GRIK2: variants seen among roughly 807,000 people sequenced by gnomAD.
GRIK2 encodes glutamate ionotropic receptor kainate type subunit 2, also known as glutamate receptor ionotropic, kainate 2.
In GRIK2, 32 loss-of-function variants were observed where a neutral mutation model predicts 100.3. The observed-to-expected ratio is 0.32, with a 90% CI of 0.24 to 0.43. GRIK2 has a LOEUF of 0.43. Among genes scored for constraint, GRIK2 ranks in the 20% least tolerant of loss-of-function variants. The pLI is 1.00. For missense variants in GRIK2, 843 were observed against 1,114.9 expected (o/e 0.76, Z 3.47); for synonymous variants, 417 against 389.4 (o/e 1.07, Z -0.83).
At chr6:101,646,340 A>T (rs1261618962) in intron 4 of GRIK2, among the ~76,000 whole-genome samples, 1 of 151,992 alleles carries the variant, frequency 6.6e-6, no homozygotes, top group African/African-American at 2.4e-5. Flanking sequence ...AATGCTGTGC[A>T]TCTAGTTTAG....
At chr6:101,988,770 A>G (rs1441431660) in intron 14 of GRIK2, among the ~76,000 whole-genome samples, 2 of 151,904 alleles carry the variant, frequency 1.3e-5, no homozygotes, top group Non-Finnish European at 2.9e-5. Flanking sequence ...ACAAATTCAC[A>G]GTCTGGGTGT....
rs771232901 is a variant in GRIK2 at position 101,799,811 on chromosome 6, T to A, written c.1095+20T>A. The A allele has an allele frequency of 6.3e-7, 1 of 1,594,182 alleles. No individual in the cohort carries two copies. The highest frequency in any genetic ancestry group is 1.1e-5 in the South Asian group (1 of 90,472). On this transcript the variant is annotated intron_variant, in intron 8 of 16. Transcript: ENST00000369134. Reference sequence around the variant, plus strand: ...AAAGAGGTAAGTTAGGAGAAGAACATCTGCCTTGTCTCTTTTGTTGTCAAG... The same window carrying A: ...AAAGAGGTAAGTTAGGAGAAGAACAACTGCCTTGTCTCTTTTGTTGTCAAG...
At chr6:102,014,330 C>T (rs1458869446) in intron 14 of GRIK2, among the ~76,000 whole-genome samples, 1 of 151,706 alleles carries the variant, frequency 6.6e-6, no homozygotes, top group African/African-American at 2.4e-5. Context: ...TGGATCATCT[C>T]TCCTTCTTCT....
intron 2 of GRIK2, among the ~76,000 whole-genome samples, chr6:101,552,806 T>C (rs1313888953): frequency 6.6e-6 from 1 of 152,132 alleles, no homozygotes; most frequent in Non-Finnish European, 1.5e-5. Flanking sequence ...AATGAAAAAG[T>C]CTCTTCTGCC....
chr6:102,002,479 A>G (rs1316055539), intron 14 of GRIK2, among the ~76,000 whole-genome samples: 5 of 149,800 alleles, frequency 3.3e-5, no homozygotes, highest in Non-Finnish European at 7.4e-5. Context: ...GTGTGTATGT[A>G]TGGATATATG....
intron 2 of GRIK2, among the ~76,000 whole-genome samples, chr6:101,542,064 A>G (rs1776023621): frequency 6.6e-6 from 1 of 152,080 alleles, no homozygotes; most frequent in Admixed American, 6.6e-5. Context: ...ATGGACTGTA[A>G]AATACTGCCA....
At chr6:101,962,532 A>T (rs987380627) in intron 14 of GRIK2, among the ~76,000 whole-genome samples, 2 of 152,070 alleles carry the variant, frequency 1.3e-5, no homozygotes, top group African/African-American at 4.8e-5. Flanking sequence ...TTCCATAAAG[A>T]CTTCTTAGTT....
intron 2 of GRIK2, among the ~76,000 whole-genome samples, chr6:101,564,074 C>T (rs762969499): frequency 1.9e-4 from 29 of 152,088 alleles, no homozygotes; most frequent in Non-Finnish European, 3.8e-4. Flanking sequence ...ATACAACACA[C>T]CTATTTTTTT....
intron 7 of GRIK2, among the ~76,000 whole-genome samples, chr6:101,738,285 C>CAATTGT (rs762319656): frequency 7.7e-6 from 1 of 129,162 alleles, no homozygotes; most frequent in Admixed American, 7.9e-5. Flanking sequence ...TTGTAATTGT[C>CAATTGT]AATTGTAATT....
intron 7 of GRIK2, among the ~76,000 whole-genome samples, chr6:101,705,601 G>A (rs1773216429): frequency 1.3e-5 from 2 of 151,714 alleles, no homozygotes; most frequent in Admixed American, 1.3e-4. Flanking sequence ...ACATGTGGTG[G>A]AATTTTTCCT....
intron 2 of GRIK2, among the ~76,000 whole-genome samples, chr6:101,603,974 G>A (rs1226392393): frequency 6.6e-6 from 1 of 151,110 alleles, no homozygotes; most frequent in African/African-American, 2.4e-5. Context: ...TGGTGAGGGG[G>A]TACTGTGCCC....
chr6:102,012,732 A>T (rs1795614181), intron 14 of GRIK2, among the ~76,000 whole-genome samples: 1 of 152,128 alleles, frequency 6.6e-6, no homozygotes, highest in Admixed American at 6.5e-5. Context: ...TATTGGTTCC[A>T]AGAGGGGGTT....
At position 101,632,574 on chromosome 6, in the gene GRIK2, A is replaced by G. The variant is rs1780806750; in HGVS notation, c.541+5937A>G. ...ATGGACATGACTCTTTTATGATTTC[A>G]AAAATTTTATAAGAAAGCTCGAGTG... On this transcript the variant is annotated intron_variant, in intron 4 of 16. Transcript: ENST00000369134. Among the ~76,000 whole-genome samples, 2 of 152,156 alleles carry G rather than the reference A, an allele frequency of 1.3e-5. 1 individual carries two copies. Among genetic ancestry groups the G allele is most frequent in the Admixed American group, 1.3e-4 (2 of 15,246 alleles).
chr6:101,442,121 C>A (rs192511156), intron 2 of GRIK2, among the ~76,000 whole-genome samples: 13 of 152,210 alleles, frequency 8.5e-5, no homozygotes, highest in Non-Finnish European at 1.5e-4. Flanking sequence ...TAGCATGAAA[C>A]CCCGGCTTTG....
At chr6:102,038,191 A>G (rs1036342022) in intron 15 of GRIK2, among the ~76,000 whole-genome samples, 4 of 151,614 alleles carry the variant, frequency 2.6e-5, no homozygotes, top group East Asian at 2.0e-4. Flanking sequence ...GCTAGACTAC[A>G]TGGAGAAATA....
Position 101,984,726 on chromosome 6 carries a change from T to C in GRIK2, c.2086-50615T>C, listed in dbSNP as rs9498790. ...AGGCTGCTCTATTTCAGAATCAATC[T>C]AAAGAGAGTTATGCAAGTAAAAATG... On this transcript the variant is annotated intron_variant, in intron 14 of 16. Coordinates refer to ENST00000369134, the MANE Select transcript of GRIK2 (RefSeq NM_021956.5). 8.2e-3 allele frequency among the ~76,000 whole-genome samples: 1,236 copies of C among 151,308 alleles called. 18 individuals carry two copies. The highest frequency in any genetic ancestry group is 0.029 in the African/African-American group (1,201 of 41,360).
intron 9 of GRIK2, among the ~76,000 whole-genome samples, chr6:101,817,137 G>A (rs1583203697): frequency 6.6e-6 from 1 of 152,158 alleles, no homozygotes; most frequent in Non-Finnish European, 1.5e-5. Context: ...AAATTGGCCA[G>A]TAGGTGGTTT....
chr6:101,595,754 A>C (rs986985081), intron 2 of GRIK2, among the ~76,000 whole-genome samples: 2 of 148,526 alleles, frequency 1.3e-5, no homozygotes, highest in Admixed American at 1.4e-4. Flanking sequence ...ATACACATAT[A>C]AATGCTAGAA....
At chr6:101,582,793 AC>A (rs1778164141) in intron 2 of GRIK2, among the ~76,000 whole-genome samples, 2 of 152,190 alleles carry the variant, frequency 1.3e-5, no homozygotes, top group Non-Finnish European at 2.9e-5. Context: ...TAGTTCACAT[AC>A]AATTCCTGAC....
Sources: gnomAD v4.1 joint callset for allele counts (sites outside exome capture counted in the v4.1 genomes callset) on GRCh38, gnomAD v4.1.1 for gene constraint, MANE v1.5 for transcripts, NCBI Gene and HGNC (gene_info 2026-07-23, HGNC 2026-07-21) for gene names.